The following ATE1 variants were observed in gnomAD, a reference collection of about 807,000 sequenced individuals.
The protein encoded by ATE1 is arginyltransferase 1.
Under a neutral mutation model 70.5 loss-of-function variants are expected in ATE1, and 36 were observed. That is an observed-to-expected ratio of 0.51 (90% CI 0.39 to 0.67). The LOEUF is 0.67. ATE1 is among the 30% of genes least tolerant of loss of function. The probability of loss-of-function intolerance (pLI) is 0.00; values close to 1 mark genes in which losing one functional copy is unlikely to be tolerated. For synonymous variants in ATE1, 232 were observed against 219.3 expected, an observed-to-expected ratio of 1.06 and a Z score of -0.51; for missense variants, 593 against 629.5, an observed-to-expected ratio of 0.94 and a Z score of 0.62.
chr10:121,825,106 C>T (rs144453443), intron 10 of ATE1, among the ~76,000 whole-genome samples: 1 of 151,442 alleles, frequency 6.6e-6, no homozygotes, highest in Non-Finnish European at 1.5e-5. Context: ...TTATAATTTC[C>T]ACCAACCACC....
At chr10:121,915,969 G>A (rs531390917) in intron 3 of ATE1, among the ~76,000 whole-genome samples, 158 of 151,696 alleles carry the variant, frequency 1.0e-3, no homozygotes, top group African/African-American at 3.5e-3. Flanking sequence ...AGGCACAGTG[G>A]CTCATGCCTG....
chr10:121,783,247 T>C (rs529282438), intron 11 of ATE1, among the ~76,000 whole-genome samples: 2 of 152,274 alleles, frequency 1.3e-5, no homozygotes, highest in East Asian at 1.9e-4. Flanking sequence ...TCAATAGTGG[T>C]AATCTTATTT....
intron 7 of ATE1, among the ~76,000 whole-genome samples, chr10:121,897,909 A>G (rs967534478): frequency 1.3e-5 from 2 of 152,114 alleles, no homozygotes; most frequent in Non-Finnish European, 2.9e-5. Context: ...AGGTCTGCAA[A>G]TGACACTTTA....
intron 11 of ATE1, among the ~76,000 whole-genome samples, chr10:121,770,809 C>G (rs1945484884): frequency 6.6e-6 from 1 of 150,860 alleles, no homozygotes; most frequent in African/African-American, 2.4e-5. Flanking sequence ...CACATTCATT[C>G]TTTAAAAGAA....
chr10:121,927,553 G>A, intron 1 of ATE1: 20 of 984,354 alleles, frequency 2.0e-5, no homozygotes, highest in Non-Finnish European at 2.3e-5. Flanking sequence ...CTGGCACTGC[G>A]CGCCGTCCTT....
Position 121,927,492 on chromosome 10 carries a change from G to A in ATE1, c.106+352C>T, listed in dbSNP as rs890397672. On this transcript the variant is annotated intron_variant, in intron 1 of 11. Coordinates refer to ENST00000224652, the MANE Select transcript of ATE1 (RefSeq NM_001001976.3). ...CCCTCGCTCCCGGGACGCTCCCACC[G>A]CAGCACCCACCGGTCAGCCCCGGCC... The A allele has an allele frequency of 1.0e-5, 10 of 985,138 alleles. No homozygotes were observed. The African/African-American group carries it at 1.7e-4, about 17-fold the overall frequency. The allele number at this position is 985,138 out of a possible 1,614,324, so 61.0% of individuals were successfully genotyped here.
chr10:121,864,215 T>C (rs1336039260), intron 8 of ATE1, among the ~76,000 whole-genome samples: 1 of 152,232 alleles, frequency 6.6e-6, no homozygotes, highest in Non-Finnish European at 1.5e-5. Context: ...ACAATTTTTC[T>C]ACAGACAAGG....
At chr10:121,914,270 T>C (rs961303406) in intron 3 of ATE1, among the ~76,000 whole-genome samples, 4 of 152,100 alleles carry the variant, frequency 2.6e-5, no homozygotes, top group Non-Finnish European at 4.4e-5. Flanking sequence ...TTTCACCATG[T>C]TGGTCAGGCT....
At chr10:121,773,506 T>TGTC (rs1229228193) in intron 11 of ATE1, among the ~76,000 whole-genome samples, 2 of 152,234 alleles carry the variant, frequency 1.3e-5, no homozygotes, top group African/African-American at 4.8e-5. Context: ...ACTGAGTCCC[T>TGTC]GTCTTCACAA....
At chr10:121,909,348 C>T (rs528685314) in intron 5 of ATE1, among the ~76,000 whole-genome samples, 3 of 152,260 alleles carry the variant, frequency 2.0e-5, no homozygotes, top group East Asian at 3.9e-4. Flanking sequence ...TGGATCCTAA[C>T]ACAAACAAAT....
At chr10:121,821,641 G>A (rs1947801912) in intron 10 of ATE1, among the ~76,000 whole-genome samples, 1 of 152,218 alleles carries the variant, frequency 6.6e-6, no homozygotes, top group Non-Finnish European at 1.5e-5. Flanking sequence ...AGCACTTTAG[G>A]AGGCTGAGGC....
chr10:121,827,266 C>T (rs779360610), intron 10 of ATE1, among the ~76,000 whole-genome samples: 1 of 152,126 alleles, frequency 6.6e-6, no homozygotes, highest in Non-Finnish European at 1.5e-5. Context: ...CCTGCCTCAG[C>T]CTCCCAAAGT....
intron 11 of ATE1, among the ~76,000 whole-genome samples, chr10:121,757,811 C>T (rs1281751400): frequency 6.6e-6 from 1 of 152,184 alleles, no homozygotes; most frequent in African/African-American, 2.4e-5. Context: ...GGACACAGAG[C>T]CAAACCATAC....
chr10:121,742,771 T>C lies in ATE1; in HGVS notation c.*909A>G, dbSNP rs1341645817. On this transcript the variant is annotated 3_prime_UTR_variant, in exon 12 of 12. Transcript: ENST00000224652. ...GAATGATTCCTTCTTCAATGTGATT[T>C]GTGGCATAACTATGAAAGTAATCAC... 2.6e-5 allele frequency: 4 copies of C among 152,234 alleles called. No individual in the cohort carries two copies. The East Asian group carries it at 7.7e-4, about 29-fold the overall frequency. The allele number at this position is 152,234 out of a possible 1,614,324, so 9.4% of individuals were successfully genotyped here. A position where few individuals can be genotyped will look rare whatever the true frequency, so the allele number is the denominator to read the frequency against.
At chr10:121,818,656 C>G (rs937157466) in intron 10 of ATE1, among the ~76,000 whole-genome samples, 2 of 152,080 alleles carry the variant, frequency 1.3e-5, no homozygotes, top group Non-Finnish European at 2.9e-5. Flanking sequence ...CTAAATACAC[C>G]CCACTGGATT....
At chr10:121,883,873 G>A (rs1040826259) in intron 7 of ATE1, among the ~76,000 whole-genome samples, 2 of 151,718 alleles carry the variant, frequency 1.3e-5, no homozygotes, top group African/African-American at 4.8e-5. Context: ...GGGAGGCCAA[G>A]GCGGGTGGAT....
In ATE1 at chr10:121,877,770, T is replaced by C. The variant is rs1330007971; in HGVS notation, c.943-7732A>G. On this transcript the variant is annotated intron_variant, in intron 7 of 11. Coordinates refer to ENST00000224652, the MANE Select transcript of ATE1 (RefSeq NM_001001976.3). ...AGCATCAGAAAACACCATATGTTAA[T>C]GAGGATGTGGCACAACGAGCATGTT... Among the ~76,000 whole-genome samples, 3 of 152,202 alleles carry C rather than the reference T, an allele frequency of 2.0e-5. No individual in the cohort carries two copies. The East Asian group carries it at 5.8e-4, about 29-fold the overall frequency.
intron 8 of ATE1, among the ~76,000 whole-genome samples, chr10:121,861,447 A>G (rs1949464685): frequency 6.6e-6 from 1 of 151,940 alleles, no homozygotes; most frequent in African/African-American, 2.4e-5. Context: ...TTGTAGGGAC[A>G]TGGATGAAAT....
Position 121,922,398 on chromosome 10 carries a change from C to T in ATE1, c.184G>A (p.Val62Met). 1 of 1,598,206 alleles carries T rather than the reference C, an allele frequency of 6.3e-7. No homozygotes were observed. The highest frequency in any genetic ancestry group is 8.6e-7 in the Non-Finnish European group (1 of 1,167,798). The change falls in exon 3 of 12, where the codon GTG becomes ATG. Residue 62 changes from valine to methionine, a missense_variant. Val to Met is a conservative substitution (Grantham distance 21). This residue lies in a region of ATE1 where 467 missense variants were observed against 469.6 expected (regional missense o/e 0.99). Transcript: ENST00000224652. Reference protein sequence around the residue: ...DRGWRRSGKYVYKPVMNQTCC... With the variant: ...DRGWRRSGKYMYKPVMNQTCC... The stretch of plus-strand genomic sequence containing the variant: ...GTTTGATTCATGACAGGTTTGTACA[C>T]ATATTTTCCACTTCTAAAATTATAA...
Sources: gnomAD v4.1 joint callset for allele counts (sites outside exome capture counted in the v4.1 genomes callset) on GRCh38, gnomAD v4.1.1 for gene constraint, gnomAD v4.1.1 regional missense constraint, MANE v1.5 for transcripts, NCBI Gene and HGNC (gene_info 2026-07-23, HGNC 2026-07-21) for gene names.